Variants in SLC38A1 observed in about 807,000 individuals in gnomAD.
SLC38A1 encodes the protein solute carrier family 38 member 1.
In SLC38A1, 18 loss-of-function variants were observed where a neutral mutation model predicts 60.3. The ratio of observed to expected loss-of-function variants is 0.30; its 90% CI spans 0.21 to 0.44. The LOEUF is 0.44. SLC38A1 is among the 20% of genes least tolerant of loss of function. The probability of loss-of-function intolerance (pLI) is 1.00; values close to 1 mark genes in which losing one functional copy is unlikely to be tolerated. For synonymous variants in SLC38A1, 196 were observed against 212.1 expected, an observed-to-expected ratio of 0.92 and a Z score of 0.66; for missense variants, 448 against 587.2, an observed-to-expected ratio of 0.76 and a Z score of 2.45.
At chr12:46,218,430 T>C (rs1940509602) in intron 5 of SLC38A1, among the ~76,000 whole-genome samples, 1 of 152,110 alleles carries the variant, frequency 6.6e-6, no homozygotes, top group Non-Finnish European at 1.5e-5. Context: ...GAAAGGTGGA[T>C]TGGGGGCTTC....
chr12:46,250,199 A>G (rs1272901669), intron 1 of SLC38A1, among the ~76,000 whole-genome samples: 1 of 152,178 alleles, frequency 6.6e-6, no homozygotes, highest in Admixed American at 6.5e-5. Flanking sequence ...AAATCAATAA[A>G]CCTAATCCAT....
At chr12:46,243,427 T>C (rs553805701) in intron 1 of SLC38A1, 113 bp from the exon 2 acceptor site, 1 of 152,332 alleles carries the variant, frequency 6.6e-6, no homozygotes, top group East Asian at 1.9e-4. Flanking sequence ...AAGATATCAT[T>C]TCCTATCCTG....
intron 5 of SLC38A1, among the ~76,000 whole-genome samples, chr12:46,224,117 G>A (rs1940772035): frequency 6.6e-6 from 1 of 152,136 alleles, no homozygotes; most frequent in African/African-American, 2.4e-5. Context: ...ATGGTGGCAG[G>A]AAATTCCTTT....
chr12:46,191,087 C>A (rs998439845), intron 16 of SLC38A1, among the ~76,000 whole-genome samples: 3 of 152,052 alleles, frequency 2.0e-5, no homozygotes, highest in African/African-American at 4.8e-5. Context: ...AAGTCTTTAA[C>A]CCATCTTGAG....
At chr12:46,248,870 C>G (rs1941721765) in intron 1 of SLC38A1, among the ~76,000 whole-genome samples, 1 of 152,134 alleles carries the variant, frequency 6.6e-6, no homozygotes, top group African/African-American at 2.4e-5. Flanking sequence ...CAGAAACTCA[C>G]TCAAGGCCAG....
chr12:46,194,880 T>C (rs1254424335), intron 16 of SLC38A1, among the ~76,000 whole-genome samples: 2 of 152,186 alleles, frequency 1.3e-5, no homozygotes, highest in South Asian at 2.1e-4. Context: ...GGTTAGAAGA[T>C]GCTCCTTTAG....
chr12:46,228,684 A>C (rs1940957663), intron 5 of SLC38A1, among the ~76,000 whole-genome samples: 2 of 152,250 alleles, frequency 1.3e-5, no homozygotes, highest in Non-Finnish European at 1.5e-5. Flanking sequence ...GGGAAAGTAC[A>C]TGCTAATTTC....
chr12:46,235,014 A>C lies in SLC38A1; in HGVS notation c.122+4665T>G, dbSNP rs540610895. On this transcript the variant is annotated intron_variant, in intron 3 of 16. Coordinates refer to ENST00000398637, the MANE Select transcript of SLC38A1 (RefSeq NM_030674.4). ...GGTGTGTCTGTACCCATAAAACAGA[A>C]TTTAATTAACCATTAGGTAGCCAAT... is the stretch of plus-strand genomic sequence containing the variant. 4.6e-5 allele frequency among the ~76,000 whole-genome samples: 7 copies of C among 152,350 alleles called. No homozygotes were observed. In the South Asian group the frequency reaches 1.2e-3, roughly 27 times the overall value.
At chr12:46,214,823 G>A (rs1328684270) in intron 5 of SLC38A1, among the ~76,000 whole-genome samples, 1 of 152,154 alleles carries the variant, frequency 6.6e-6, no homozygotes, top group Non-Finnish European at 1.5e-5. Flanking sequence ...TAGGGGTGGA[G>A]GTAAAGCAGC....
chr12:46,198,664 A>C lies in SLC38A1; in HGVS notation c.1083T>G (p.Ile361Met), dbSNP rs1939499109. ...CCGGCACTGTGAGGATCACAGCAACAATGACAGCCAGCCGCACTGTCAGGA... is the reference window on the plus strand; with the variant it reads ...CCGGCACTGTGAGGATCACAGCAACCATGACAGCCAGCCGCACTGTCAGGA... ...ILILTVRLAVIVAVILTVPVL... is the reference protein window; with the variant it reads ...ILILTVRLAVMVAVILTVPVL... The change falls in exon 14 of 17, where the codon ATT becomes ATG. Residue 361 changes from isoleucine (I) to methionine (M), a missense_variant. Physicochemically the swap from Ile to Met is conservative, Grantham distance 10 (BLOSUM62 1). Coordinates refer to ENST00000398637, the MANE Select transcript of SLC38A1 (RefSeq NM_030674.4). 6.2e-7 allele frequency: 1 copy of C among 1,613,710 alleles called. No homozygotes were observed. Among genetic ancestry groups the C allele is most frequent in the African/African-American group, 1.3e-5 (1 of 75,014 alleles).
intron 12 of SLC38A1, 113 bp from the exon 13 acceptor site, chr12:46,201,311 G>A (rs1939649021): frequency 2.4e-6 from 2 of 820,072 alleles, no homozygotes; most frequent in Non-Finnish European, 3.9e-6. Context: ...GGGAAGATCT[G>A]AACAGCTGAA....
rs755441538 is a variant in SLC38A1, at chr12:46,206,171, C to T, written c.564-9G>A. On this transcript the variant is annotated splice_polypyrimidine_tract_variant and intron_variant, in intron 8 of 16. Coordinates refer to ENST00000398637, the MANE Select transcript of SLC38A1 (RefSeq NM_030674.4). ...CATCCACGTACCAGGCTCTGAAAGG[C>T]ATTTAAGTGATTAGGTTATATTTTT... 5 of 1,578,102 alleles carry T rather than the reference C, an allele frequency of 3.2e-6. No homozygotes were observed. The highest frequency in any genetic ancestry group is 4.3e-6 in the Non-Finnish European group (5 of 1,154,192).
At chr12:46,205,034 A>G (rs774601157) in intron 9 of SLC38A1, among the ~76,000 whole-genome samples, 1 of 152,198 alleles carries the variant, frequency 6.6e-6, no homozygotes, top group African/African-American at 2.4e-5. Flanking sequence ...GTCAGTTATA[A>G]TACTTTTCTC....
chr12:46,211,615 G>C (rs896093554), intron 5 of SLC38A1, among the ~76,000 whole-genome samples: 3 of 152,150 alleles, frequency 2.0e-5, no homozygotes, highest in African/African-American at 7.2e-5. Flanking sequence ...CTGGCCCTTT[G>C]AGCATCATAA....
At chr12:46,197,016 G>A (rs1187226236) in intron 16 of SLC38A1, among the ~76,000 whole-genome samples, 1 of 152,224 alleles carries the variant, frequency 6.6e-6, no homozygotes, top group Non-Finnish European at 1.5e-5. Context: ...GGGCTGTAGG[G>A]AGGAGTTACA....
chr12:46,257,754 G>A (rs1348209499), intron 1 of SLC38A1, among the ~76,000 whole-genome samples: 4 of 152,160 alleles, frequency 2.6e-5, no homozygotes, highest in Admixed American at 2.0e-4. Context: ...CGCTTCCACA[G>A]TCGCCAGAAA....
rs576834184 is a variant in SLC38A1, at chr12:46,265,321, A to G, written c.-209+3205T>C. Among the ~76,000 whole-genome samples, 224 of 152,320 alleles carry G rather than the reference A, an allele frequency of 1.5e-3. 1 individual carries two copies. Among genetic ancestry groups the G allele is most frequent in the Non-Finnish European group, 2.4e-3 (164 of 68,032 alleles). ...AAGCCCCTATTCACCACCTTCCATC[A>G]CCTGGAGTAACAACAGTCCAAAATG... On this transcript the variant is annotated intron_variant, in intron 1 of 16. Transcript: ENST00000398637.
intron 2 of SLC38A1, among the ~76,000 whole-genome samples, chr12:46,240,401 G>A (rs1008839351): frequency 1.3e-5 from 2 of 152,134 alleles, no homozygotes; most frequent in Admixed American, 6.5e-5. Context: ...TCTCCATGTT[G>A]GTCAGGCTGG....
chr12:46,201,678 C>G (rs1220746455), intron 12 of SLC38A1, among the ~76,000 whole-genome samples: 4 of 151,868 alleles, frequency 2.6e-5, no homozygotes, highest in Non-Finnish European at 4.4e-5. Flanking sequence ...CTGTAGGTCT[C>G]CAGCGCAGCA....
Sources: allele counts gnomAD v4.1 joint callset (sites outside exome capture counted in the v4.1 genomes callset), GRCh38; gene constraint gnomAD v4.1.1; transcripts MANE v1.5; gene names NCBI Gene and HGNC (gene_info 2026-07-23, HGNC 2026-07-21).